The following NUP153 variants were observed in gnomAD, a reference collection of about 807,000 sequenced individuals.
NUP153 encodes the protein nuclear pore complex protein Nup153.
In NUP153, 27 loss-of-function variants were observed where a neutral mutation model predicts 134.6. That is an observed-to-expected ratio of 0.20 (90% CI 0.15 to 0.28). NUP153 has a LOEUF of 0.28. Among genes scored for constraint, NUP153 ranks in the 10% least tolerant of loss-of-function variants. The pLI is 1.00. For missense variants in NUP153, 1,821 were observed against 1,731.3 expected, an observed-to-expected ratio of 1.05 and a Z score of -0.92; for synonymous variants, 640 against 623.5, an observed-to-expected ratio of 1.03 and a Z score of -0.40.
chr6:17,618,726 T>C (rs551304464), intron 20 of NUP153, among the ~76,000 whole-genome samples: 35 of 152,162 alleles, frequency 2.3e-4, no homozygotes, highest in Admixed American at 1.2e-3. Context: ...CCACCACGCC[T>C]GGCTAATTTT....
rs1455828226 is a variant in NUP153 at position 17,638,311 on chromosome 6, T to C, written c.1847-541A>G. The stretch of plus-strand genomic sequence containing the variant: ...TTGAGTTCATTCACTCAAGCTGTAT[T>C]TTACTCATGAGAATGACTTTTGTAA... On this transcript the variant is annotated intron_variant, in intron 15 of 21. Coordinates refer to ENST00000262077, the MANE Select transcript of NUP153 (RefSeq NM_005124.4). The surrounding 1 kb of genome is among the most constrained non-coding windows in gnomAD (Gnocchi z 4.0). Among the ~76,000 whole-genome samples, 2 of 152,216 alleles carry C rather than the reference T, an allele frequency of 1.3e-5. No individual in the cohort carries two copies. Among genetic ancestry groups the C allele is most frequent in the Non-Finnish European group, 2.9e-5 (2 of 68,036 alleles).
chr6:17,637,767 A>C lies in NUP153; in HGVS notation c.1850T>G (p.Phe617Cys), dbSNP rs1229855828. 3 of 1,595,948 alleles carry C rather than the reference A, an allele frequency of 1.9e-6. No individual in the cohort carries two copies. The highest frequency in any genetic ancestry group is 2.5e-6 in the Non-Finnish European group (3 of 1,176,486). ...SVLDILKSPG[F>C]ASPKIDSVAA... Reference sequence around the variant, plus strand: ...AACAGAATCTATCTTCGGCGATGCGAAACCTACAATGAACGAAGGAGAGAG... The same window carrying C: ...AACAGAATCTATCTTCGGCGATGCGCAACCTACAATGAACGAAGGAGAGAG... Residue 617 changes from phenylalanine (F) to cysteine (C), a missense_variant, in exon 16 of 22, where the codon TTC becomes TGC. Physicochemically the swap from Phe to Cys is radical, Grantham distance 205. Coordinates refer to ENST00000262077, the MANE Select transcript of NUP153 (RefSeq NM_005124.4).
At chr6:17,699,314 G>T (rs150001516) in intron 1 of NUP153, among the ~76,000 whole-genome samples, 221 of 151,590 alleles carry the variant, frequency 1.5e-3, no homozygotes, top group Admixed American at 3.8e-3. Context: ...GGCCAACATG[G>T]TGAAACCCCG....
rs566536725 is a variant in NUP153, at chr6:17,649,219, C to G, written c.1477G>C (p.Glu493Gln). The change falls in exon 12 of 22, where the codon GAG becomes CAG. Residue 493 changes from glutamate (E) to glutamine (Q), a missense_variant. Transcript: ENST00000262077. ...GGTGATGGAGAGGAAGTTGTGATCT[C>G]AGGGGAACTAAAATTAAAGGTAGGC... ...SLPTFNFSSP[E>Q]ITTSSPSPIN... The G allele has an allele frequency of 2.5e-6, 4 of 1,613,750 alleles. No homozygotes were observed. The East Asian group carries it at 8.9e-5, about 36-fold the overall frequency.
At chr6:17,669,079 AC>A in intron 7 of NUP153, 51 bp from the exon 8 acceptor site, 3 of 1,281,946 alleles carry the variant, frequency 2.3e-6, no homozygotes, top group Non-Finnish European at 2.1e-6. Flanking sequence ...TATGAAAAAT[AC>A]CTTTTTTTTT....
At chr6:17,661,923 CTTT>C (rs1767210874) in intron 10 of NUP153, 92 bp downstream of exon 10, 2 of 1,280,508 alleles carry the variant, frequency 1.6e-6, no homozygotes, top group Non-Finnish European at 1.1e-6. Context: ...AGTTTCTGTT[CTTT>C]GATTTTAATC....
In NUP153 at chr6:17,640,015, A is replaced by C; in HGVS notation, c.1770T>G (p.Pro590=). ...VNSTNCKKTP[P]EDCEGPFRPA... is the part of the protein sequence containing the mutation. ...GTCTAAAAGGACCCTCACAATCTTC[A>C]GGTGGTGTCTTCTTACAATTTGTAC... Residue 590 remains proline, a synonymous_variant, in exon 15 of 22, where the codon CCT becomes CCG. Coordinates refer to ENST00000262077, the MANE Select transcript of NUP153 (RefSeq NM_005124.4). 6.2e-7 allele frequency: 1 copy of C among 1,611,784 alleles called. No homozygotes were observed. The highest frequency in any genetic ancestry group is 2.2e-5 in the East Asian group (1 of 44,762).
At chr6:17,662,225 A>G (rs1767233289) in intron 9 of NUP153, 155 bp from the exon 10 acceptor site, 1 of 175,404 alleles carries the variant, frequency 5.7e-6, no homozygotes, top group South Asian at 1.9e-4. Context: ...CTGCCTTCTG[A>G]ATGGTAACCA....
intron 1 of NUP153, among the ~76,000 whole-genome samples, chr6:17,695,851 T>C (rs914352077): frequency 1.6e-4 from 25 of 152,012 alleles, no homozygotes; most frequent in Admixed American, 1.4e-3. Context: ...CTACTAAAAA[T>C]ACAAAAAATT....
chr6:17,690,574 TACTA>T (rs1262760004), intron 1 of NUP153, among the ~76,000 whole-genome samples: 3 of 152,190 alleles, frequency 2.0e-5, no homozygotes, highest in African/African-American at 7.2e-5. Context: ...AAAACTTTTT[TACTA>T]ACAAGGAAAA....
At chr6:17,660,732 T>A (rs746541592) in intron 11 of NUP153, among the ~76,000 whole-genome samples, 1 of 152,096 alleles carries the variant, frequency 6.6e-6, no homozygotes, top group Non-Finnish European at 1.5e-5. Flanking sequence ...ACTGCAAAAC[T>A]ATCTTGAAGA....
Position 17,625,604 on chromosome 6 carries a change from T to C in NUP153, c.3901+204A>G, listed in dbSNP as rs773679513. On this transcript the variant is annotated intron_variant, in intron 19 of 21. Coordinates refer to ENST00000262077, the MANE Select transcript of NUP153 (RefSeq NM_005124.4). The surrounding 1 kb of genome is among the most constrained non-coding windows in gnomAD (Gnocchi z 4.7). ...CTCTTACCACAATTAGAAAAATTGC[T>C]CCCAAGAGGTAAATATGTTAAAGTT... Among the ~76,000 whole-genome samples, 9 of 152,174 alleles carry C rather than the reference T, an allele frequency of 5.9e-5. No individual in the cohort carries two copies. The highest frequency in any genetic ancestry group is 1.3e-4 in the Non-Finnish European group (9 of 68,028).
At chr6:17,633,057 T>C (rs2113778448) in intron 16 of NUP153, among the ~76,000 whole-genome samples, 1 of 152,286 alleles carries the variant, frequency 6.6e-6, no homozygotes, top group South Asian at 2.1e-4. Context: ...TTATAAATGA[T>C]TTCTTTTAAC....
At chr6:17,657,872 T>G (rs1012989513) in intron 11 of NUP153, among the ~76,000 whole-genome samples, 14 of 152,272 alleles carry the variant, frequency 9.2e-5, no homozygotes, top group African/African-American at 3.4e-4. Flanking sequence ...ACATTATACA[T>G]CATTTTAATG....
At chr6:17,666,539 T>C (rs1022308969) in intron 8 of NUP153, among the ~76,000 whole-genome samples, 1 of 152,068 alleles carries the variant, frequency 6.6e-6, no homozygotes, top group Non-Finnish European at 1.5e-5. Context: ...AAACTAGCTA[T>C]GAAAATATTT....
chr6:17,625,960 T>A lies in NUP153; in HGVS notation c.3749A>T (p.Gln1250Leu). ...FGNTAESSTSQSLLFSQDSKL... is the reference protein window; with the variant it reads ...FGNTAESSTSLSLLFSQDSKL... ...GCTATCTTGAGAAAATAGCAAAGAC[T>A]GAGAGGTGCTGGATTCAGCAGTGTT... Residue 1250 changes from glutamine to leucine, a missense_variant, in exon 19 of 22, where the codon CAG becomes CTG. Coordinates refer to ENST00000262077, the MANE Select transcript of NUP153 (RefSeq NM_005124.4). The surrounding 1 kb of genome is among the most constrained non-coding windows in gnomAD (Gnocchi z 4.7). 1.2e-6 allele frequency: 2 copies of A among 1,614,172 alleles called. No homozygotes were observed. The highest frequency in any genetic ancestry group is 1.7e-6 in the Non-Finnish European group (2 of 1,180,030).
At position 17,628,811 on chromosome 6, in the gene NUP153, G is replaced by C. The variant is rs757211349; in HGVS notation, c.3388C>G (p.Gln1130Glu). The C allele has an allele frequency of 2.5e-6, 4 of 1,614,030 alleles. No individual in the cohort carries two copies. The African/African-American group carries it at 4.0e-5, about 16-fold the overall frequency. Residue 1130 changes from glutamine (Q) to glutamate (E), a missense_variant, in exon 18 of 22, where the codon CAA becomes GAA. By Grantham distance (29) the Gln-to-Glu change is conservative (BLOSUM62 2). Coordinates refer to ENST00000262077, the MANE Select transcript of NUP153 (RefSeq NM_005124.4). This position sits in a 1 kb window ranked among gnomAD's most constrained non-coding sequence, Gnocchi z 5.4. ...GAATTCCCAAAGGAAAACACTGGTT[G>C]ACACTTTGGCTCTTCATTGTCAGCT... ...KKADNEEPKC[Q>E]PVFSFGNSEQ... is the part of the protein sequence containing the mutation.
chr6:17,688,799 T>A (rs889950170), intron 1 of NUP153, among the ~76,000 whole-genome samples, 181 bp from the exon 2 acceptor site: 1 of 152,172 alleles, frequency 6.6e-6, no homozygotes, highest in Non-Finnish European at 1.5e-5. Context: ...GTGAAATTCT[T>A]TCTTTCTTCT....
At chr6:17,631,461 A>G (rs1765248412) in intron 17 of NUP153, among the ~76,000 whole-genome samples, 1 of 152,168 alleles carries the variant, frequency 6.6e-6, no homozygotes, top group Non-Finnish European at 1.5e-5. Flanking sequence ...CACCCAAATA[A>G]TGTACATTGT....
Sources: gnomAD v4.1 joint callset for allele counts (sites outside exome capture counted in the v4.1 genomes callset) on GRCh38, gnomAD v4.1.1 for gene constraint, Gnocchi (gnomAD v3.1) non-coding constraint, MANE v1.5 for transcripts, NCBI Gene and HGNC (gene_info 2026-07-23, HGNC 2026-07-21) for gene names.